TENM1: variants seen among roughly 807,000 people sequenced by gnomAD.
The protein encoded by TENM1 is teneurin-1.
Under a neutral mutation model 174.8 loss-of-function variants are expected in TENM1, and 35 were observed. The ratio of observed to expected loss-of-function variants is 0.20; its 90% CI spans 0.15 to 0.27. The LOEUF is 0.27. Among genes scored for constraint, TENM1 ranks in the 10% least tolerant of loss-of-function variants. TENM1 has a pLI of 1.00. For synonymous variants in TENM1, 781 were observed against 798.7 expected, an observed-to-expected ratio of 0.98 and a Z score of 0.37; for missense variants, 1,633 against 2,130.1, an observed-to-expected ratio of 0.77 and a Z score of 4.59.
intron 25 of TENM1, among the ~76,000 whole-genome samples, chrX:124,419,729 CTTCCTT>C (rs1424659617): frequency 1.1e-4 from 12 of 112,006 alleles, no homozygotes; most frequent in Non-Finnish European, 2.3e-4. Context: ...GCATTTGGCT[CTTCCTT>C]TTACAGAAGC....
chrX:125,175,953 T>G, the TENM1 span, among the ~76,000 whole-genome samples: 1 of 111,904 alleles, frequency 8.9e-6, no homozygotes, highest in African/African-American at 3.2e-5. Context: ...CTAACGACAT[T>G]ACTTGCTTAC....
Position 124,729,161 on chromosome X carries a change from T to C in TENM1, c.776+7796A>G, listed in dbSNP as rs10081938. Among the ~76,000 whole-genome samples the C allele has an allele frequency of 3.1e-3, 353 of 112,178 alleles. 6 individuals carry two copies. The highest frequency in any genetic ancestry group is 0.011 in the African/African-American group (341 of 30,875). On this transcript the variant is annotated intron_variant, in intron 4 of 31. Transcript: ENST00000422452. The stretch of plus-strand genomic sequence containing the variant: ...GCACAATAATCCATAGACTGGGAAG[T>C]ATATGTGAATACTGGATGTTTTTAC...
chrX:124,420,850 T>C (rs1394378459), intron 24 of TENM1, 29 bp from the exon 28 acceptor site: 9 of 1,181,091 alleles, frequency 7.6e-6, no homozygotes, highest in African/African-American at 1.8e-5. Flanking sequence ...ATTTTAACAA[T>C]TGGCATCATA....
the TENM1 span, among the ~76,000 whole-genome samples, chrX:125,032,141 T>A: frequency 0.13 from 13,975 of 109,700 alleles, 906 homozygotes; most frequent in East Asian, 0.33. Flanking sequence ...TCCTAACTAG[T>A]CACCAGTCTC....
chrX:125,133,785 AAAAT>A, the TENM1 span, among the ~76,000 whole-genome samples: 4 of 111,783 alleles, frequency 3.6e-5, no homozygotes, highest in African/African-American at 1.3e-4. Flanking sequence ...TTGCTCCAGA[AAAAT>A]AAATAAATAA....
At chrX:125,032,605 T>C in the TENM1 span, among the ~76,000 whole-genome samples, 8 of 111,614 alleles carry the variant, frequency 7.2e-5, no homozygotes, top group Non-Finnish European at 1.3e-4. Context: ...TACTACTACC[T>C]ATTCAAACAT....
chrX:124,554,556 T>C (rs1479158367), intron 14 of TENM1, among the ~76,000 whole-genome samples: 2 of 112,724 alleles, frequency 1.8e-5, no homozygotes, highest in Non-Finnish European at 3.7e-5. Flanking sequence ...ATATGCTTTC[T>C]GATGCCAAGT....
intron 1 of TENM1, among the ~76,000 whole-genome samples, chrX:124,904,094 TA>T (rs752327704): frequency 1.5e-4 from 17 of 111,343 alleles, no homozygotes; most frequent in Middle Eastern, 4.6e-3. Context: ...TCTGAAATTT[TA>T]AACTACATCA....
the TENM1 span, among the ~76,000 whole-genome samples, chrX:124,970,149 A>G: frequency 3.6e-5 from 4 of 110,711 alleles, no homozygotes; most frequent in South Asian, 1.1e-3. Flanking sequence ...CTATCCTTTT[A>G]TTTTCTTTCC....
At chrX:124,510,793 C>CACACACACACACACAG (rs59451235) in intron 18 of TENM1, among the ~76,000 whole-genome samples, 1 of 111,644 alleles carries the variant, frequency 9.0e-6, no homozygotes, top group African/African-American at 3.3e-5. Context: ...CACACACACA[C>CACACACACACACACAG]TTGAAGTTTT....
intron 11 of TENM1, among the ~76,000 whole-genome samples, chrX:124,585,759 GA>G (rs1391767915): frequency 9.0e-6 from 1 of 111,422 alleles, no homozygotes; most frequent in Non-Finnish European, 1.9e-5. Flanking sequence ...CTGGTTTTTT[GA>G]AAGGATCAAC....
chrX:124,741,241 C>CT (rs2053792583), intron 3 of TENM1, among the ~76,000 whole-genome samples: 1 of 111,581 alleles, frequency 9.0e-6, no homozygotes, highest in South Asian at 3.7e-4. Flanking sequence ...ATAGTTTTTT[C>CT]TTTTTTCCTT....
intron 3 of TENM1, among the ~76,000 whole-genome samples, chrX:124,885,928 C>CA (rs2057377127): frequency 9.0e-6 from 1 of 111,094 alleles, no homozygotes; most frequent in African/African-American, 3.3e-5. Context: ...AATACCTACC[C>CA]AAAAAATTAA....
chrX:125,003,063 C>G, the TENM1 span, among the ~76,000 whole-genome samples: 2 of 111,777 alleles, frequency 1.8e-5, no homozygotes, highest in Admixed American at 9.5e-5. Context: ...AAAACATGCC[C>G]TCAATTTTCC....
At chrX:124,503,948 G>A (rs955693560) in intron 18 of TENM1, among the ~76,000 whole-genome samples, 5 of 111,719 alleles carry the variant, frequency 4.5e-5, no homozygotes, top group Non-Finnish European at 7.5e-5. Context: ...GCTCTTATTA[G>A]GTTGGTACCA....
intron 4 of TENM1, among the ~76,000 whole-genome samples, chrX:124,720,561 G>A (rs2053287736): frequency 8.9e-6 from 1 of 111,956 alleles, no homozygotes; most frequent in Admixed American, 9.5e-5. Context: ...TTGGGCACAT[G>A]TTGTCAGGTT....
chrX:125,138,355 G>A, the TENM1 span, among the ~76,000 whole-genome samples: 4 of 110,740 alleles, frequency 3.6e-5, no homozygotes, highest in Non-Finnish European at 7.6e-5. Context: ...TGGGAAGCAA[G>A]GCTAGAGGAA....
intron 11 of TENM1, among the ~76,000 whole-genome samples, chrX:124,629,750 C>T (rs1414891528): frequency 1.8e-5 from 2 of 112,262 alleles, no homozygotes; most frequent in Non-Finnish European, 3.8e-5. Context: ...TGCTGAATCT[C>T]TGACAACTTT....
chrX:124,942,419 T>C (rs772775446), intron 1 of TENM1, among the ~76,000 whole-genome samples: 1 of 111,764 alleles, frequency 8.9e-6, no homozygotes, highest in Non-Finnish European at 1.9e-5. Context: ...ACACTAAAGT[T>C]CACCTTGAAG....
Sources: gnomAD v4.1 joint callset for allele counts (sites outside exome capture counted in the v4.1 genomes callset) on GRCh38, gnomAD v4.1.1 for gene constraint, MANE v1.5 for transcripts, NCBI Gene and HGNC (gene_info 2026-07-23, HGNC 2026-07-21) for gene names.